DIAPH2: variants seen among roughly 807,000 people sequenced by gnomAD.
DIAPH2 encodes diaphanous related formin 2.
A neutral mutation model predicts 92.7 loss-of-function variants in DIAPH2; 35 were observed. The observed-to-expected ratio is 0.38, with a 90% confidence interval of 0.29 to 0.50. The LOEUF (loss-of-function observed/expected upper bound fraction) is 0.50, where lower values mean the gene tolerates loss of function less well. Ranked by LOEUF, DIAPH2 falls within the 20% of genes least tolerant of loss-of-function variation. The probability of loss-of-function intolerance (pLI) is 0.94; values close to 1 mark genes in which losing one functional copy is unlikely to be tolerated. For missense variants in DIAPH2, 701 were observed against 819.5 expected (o/e 0.86, Z 1.77); for synonymous variants, 301 against 280.4 (o/e 1.07, Z -0.73).
intron 23 of DIAPH2, among the ~76,000 whole-genome samples, chrX:97,298,979 A>G (rs967957535): frequency 9.0e-5 from 10 of 111,571 alleles, no homozygotes; most frequent in African/African-American, 2.9e-4. Flanking sequence ...AAGAATGTTA[A>G]TTTGCTGGCT....
chrX:96,868,778 T>C (rs186343260), intron 4 of DIAPH2, among the ~76,000 whole-genome samples: 29 of 111,907 alleles, frequency 2.6e-4, no homozygotes, highest in African/African-American at 9.4e-4. Flanking sequence ...TCATGCTGAC[T>C]GGTAATATTC....
chrX:97,089,670 GA>G (rs1204060699), intron 19 of DIAPH2, among the ~76,000 whole-genome samples: 2 of 111,571 alleles, frequency 1.8e-5, no homozygotes, highest in African/African-American at 6.5e-5. Flanking sequence ...TTTGCCTGAT[GA>G]ATGTTTATAA....
intron 1 of DIAPH2, among the ~76,000 whole-genome samples, chrX:96,734,185 A>G (rs1340035455): frequency 1.8e-5 from 2 of 112,456 alleles, no homozygotes; most frequent in Non-Finnish European, 3.8e-5. Context: ...AATTTAGATA[A>G]TTTGACTAAA....
chrX:96,733,881 A>G (rs1197331597), intron 1 of DIAPH2, among the ~76,000 whole-genome samples: 1 of 111,860 alleles, frequency 8.9e-6, no homozygotes, highest in Admixed American at 9.5e-5. Context: ...TGGAGCCACT[A>G]ACAAATGTTA....
intron 23 of DIAPH2, among the ~76,000 whole-genome samples, chrX:97,301,254 G>GATGTA (rs916574415): frequency 9.1e-6 from 1 of 109,748 alleles, no homozygotes; most frequent in African/African-American, 3.3e-5. Flanking sequence ...AGCAAGCTAA[G>GATGTA]ATGTATATGT....
intron 23 of DIAPH2, among the ~76,000 whole-genome samples, chrX:97,323,125 C>T (rs371490945): frequency 2.8e-3 from 296 of 105,704 alleles, no homozygotes; most frequent in African/African-American, 9.3e-3. Flanking sequence ...AGGCTGGTCT[C>T]GATCTGCTGA....
intron 3 of DIAPH2, among the ~76,000 whole-genome samples, chrX:96,748,448 C>T (rs1383173003): frequency 8.9e-6 from 1 of 111,781 alleles, no homozygotes; most frequent in East Asian, 2.8e-4. Context: ...GCAGAGAACA[C>T]CACCTAAATA....
At chrX:96,978,642 TATTA>T (rs1432534700) in intron 17 of DIAPH2, among the ~76,000 whole-genome samples, 30 of 110,369 alleles carry the variant, frequency 2.7e-4, no homozygotes, top group East Asian at 5.6e-4. Context: ...TTGTGAATAA[TATTA>T]ATTATTAATT....
At chrX:97,110,458 G>A (rs1402935868) in intron 20 of DIAPH2, among the ~76,000 whole-genome samples, 1 of 111,464 alleles carries the variant, frequency 9.0e-6, no homozygotes, top group East Asian at 2.8e-4. Context: ...ATTTGAGAGG[G>A]ATCAAGGAGA....
At chrX:97,584,435 A>T (rs923504869) in intron 26 of DIAPH2, among the ~76,000 whole-genome samples, 7 of 112,500 alleles carry the variant, frequency 6.2e-5, no homozygotes, top group African/African-American at 1.9e-4. Context: ...AATTTTAATA[A>T]AACAGATAAA....
At chrX:97,046,664 C>A (rs1270986658) in intron 17 of DIAPH2, among the ~76,000 whole-genome samples, 1 of 111,832 alleles carries the variant, frequency 8.9e-6, no homozygotes, top group Non-Finnish European at 1.9e-5. Flanking sequence ...CATACAAATG[C>A]AGGCCTGCAA....
rs1340907183 is a variant in DIAPH2, at chrX:97,452,467, T to A, written c.3241+22722T>A. On this transcript the variant is annotated intron_variant, in intron 26 of 26. Coordinates refer to ENST00000324765, the MANE Select transcript of DIAPH2 (RefSeq NM_006729.5). ...TTCTGTAAAAAGTGATACTAGGACT[T>A]CCTGCTGAGGTCATCTAGAGTTTGA... Among the ~76,000 whole-genome samples, 3 of 111,944 alleles carry A rather than the reference T, an allele frequency of 2.7e-5. No individual in the cohort carries two copies. The Admixed American group carries it at 2.8e-4, about 11-fold the overall frequency.
chrX:97,482,710 G>A (rs771785312), intron 26 of DIAPH2, among the ~76,000 whole-genome samples: 8 of 110,468 alleles, frequency 7.2e-5, no homozygotes, highest in Non-Finnish European at 1.1e-4. Context: ...AAAGTTGAAA[G>A]TTTGCCTTTC....
chrX:96,704,335 C>A (rs2063871667), intron 1 of DIAPH2, among the ~76,000 whole-genome samples: 1 of 111,864 alleles, frequency 8.9e-6, no homozygotes. Context: ...CAGGAACTTC[C>A]TGAGTTATAA....
chrX:97,037,332 T>C (rs2066418124), intron 17 of DIAPH2, among the ~76,000 whole-genome samples: 1 of 111,275 alleles, frequency 9.0e-6, no homozygotes, highest in African/African-American at 3.3e-5. Flanking sequence ...CTGCTGCCTG[T>C]CGAAGCACTT....
chrX:97,356,759 A>T (rs1191581153), intron 24 of DIAPH2, among the ~76,000 whole-genome samples: 1 of 111,431 alleles, frequency 9.0e-6, no homozygotes, highest in South Asian at 3.8e-4. Context: ...ATAAGGGAAG[A>T]CATGGTTTAA....
At chrX:97,055,259 G>A (rs5921266) in intron 17 of DIAPH2, among the ~76,000 whole-genome samples, 32,031 of 109,158 alleles carry the variant, frequency 0.29, 4,352 homozygotes, top group South Asian at 0.51. Flanking sequence ...ATGATCATGC[G>A]TGTTATAACT....
intron 4 of DIAPH2, among the ~76,000 whole-genome samples, chrX:96,848,820 A>G (rs922789821): frequency 1.8e-5 from 2 of 112,321 alleles, no homozygotes; most frequent in African/African-American, 6.5e-5. Flanking sequence ...ATTTATCTTT[A>G]TTCTGCCTTT....
intron 26 of DIAPH2, among the ~76,000 whole-genome samples, chrX:97,521,411 C>T (rs138136549): frequency 3.5e-3 from 395 of 112,067 alleles, no homozygotes; most frequent in Non-Finnish European, 5.6e-3. Context: ...TCCTTACATA[C>T]ACATTCCTTG....
Sources: allele counts gnomAD v4.1 joint callset (sites outside exome capture counted in the v4.1 genomes callset), GRCh38; gene constraint gnomAD v4.1.1; transcripts MANE v1.5; gene names NCBI Gene and HGNC (gene_info 2026-07-23, HGNC 2026-07-21).